Variants in DGKB observed in about 807,000 individuals in gnomAD.
DGKB encodes 90 kDa diacylglycerol kinase.
A neutral mutation model predicts 114.3 loss-of-function variants in DGKB; 67 were observed. The ratio of observed to expected loss-of-function variants is 0.59; its 90% CI spans 0.48 to 0.72. The LOEUF is 0.72. Among genes scored for constraint, DGKB ranks in the 30% least tolerant of loss-of-function variants. The pLI, the probability that DGKB is intolerant of heterozygous loss-of-function variation, is 0.00. For missense variants in DGKB, 907 were observed against 975.2 expected (o/e 0.93, Z 0.93); for synonymous variants, 398 against 323.1 (o/e 1.23, Z -2.49).
intron 20 of DGKB, among the ~76,000 whole-genome samples, chr7:14,538,854 T>C (rs1238405767): frequency 1.3e-5 from 2 of 152,130 alleles, no homozygotes; most frequent in Admixed American, 1.3e-4. Context: ...CTGGACATTA[T>C]ACTAAGTGAA....
At chr7:14,961,654 A>G (rs867189930) in intron 1 of DGKB, among the ~76,000 whole-genome samples, 2 of 152,112 alleles carry the variant, frequency 1.3e-5, no homozygotes, top group African/African-American at 4.8e-5. Flanking sequence ...AAACTATGAC[A>G]CAAATGTCGG....
chr7:14,291,541 C>T (rs1801767414), intron 23 of DGKB, among the ~76,000 whole-genome samples: 1 of 152,090 alleles, frequency 6.6e-6, no homozygotes, highest in South Asian at 2.1e-4. Flanking sequence ...GTGAATTCTC[C>T]TATCTTTATT....
At chr7:14,771,840 G>T (rs570536922) in intron 2 of DGKB, among the ~76,000 whole-genome samples, 89 of 152,024 alleles carry the variant, frequency 5.9e-4, no homozygotes, top group African/African-American at 1.9e-3. Flanking sequence ...TCAACTAAGC[G>T]CCAGGCACCC....
intron 1 of DGKB, among the ~76,000 whole-genome samples, chr7:14,857,293 G>T (rs997557469): frequency 2.5e-5 from 1 of 39,936 alleles, no homozygotes; most frequent in South Asian, 1.8e-3. Context: ...TGGCACTGAA[G>T]GAGCAAGCTT....
rs1240026568 is a variant in DGKB at position 14,521,569 on chromosome 7, T to C, written c.1771-43344A>G. Among the ~76,000 whole-genome samples, 24 of 152,198 alleles carry C rather than the reference T, an allele frequency of 1.6e-4. 1 individual carries two copies. The highest frequency in any genetic ancestry group is 1.5e-3 in the Admixed American group (23 of 15,260). On this transcript the variant is annotated intron_variant, in intron 20 of 25. Coordinates refer to ENST00000402815, the MANE Select transcript of DGKB (RefSeq NM_001350709.2). Reference sequence around the variant, plus strand: ...AGTGAATTTTTATATTTTTCCGTTATTGTACTTTTTCATTTCCATAATTCC... The same window carrying C: ...AGTGAATTTTTATATTTTTCCGTTACTGTACTTTTTCATTTCCATAATTCC...
At position 14,753,056 on chromosome 7, in the gene DGKB, T is replaced by C. The variant is rs549479801; in HGVS notation, c.168+872A>G. Reference sequence around the variant, plus strand: ...ACCAATGTCTCTTTATAGAATATTGTAAGATGTAGGATCTGTATCTAAGTC... The same window carrying C: ...ACCAATGTCTCTTTATAGAATATTGCAAGATGTAGGATCTGTATCTAAGTC... On this transcript the variant is annotated intron_variant, in intron 4 of 25. Coordinates refer to ENST00000402815, the MANE Select transcript of DGKB (RefSeq NM_001350709.2). 3.9e-5 allele frequency among the ~76,000 whole-genome samples: 6 copies of C among 152,304 alleles called. No homozygotes were observed. The South Asian group carries it at 1.0e-3, about 26-fold the overall frequency.
chr7:14,867,021 A>G (rs1405916125), intron 1 of DGKB, among the ~76,000 whole-genome samples: 1 of 152,144 alleles, frequency 6.6e-6, no homozygotes, highest in African/African-American at 2.4e-5. Flanking sequence ...TAACATCTGT[A>G]TATTTTCTTT....
At chr7:14,963,345 G>T (rs1003451614) in intron 1 of DGKB, among the ~76,000 whole-genome samples, 64 of 152,192 alleles carry the variant, frequency 4.2e-4, no homozygotes, top group African/African-American at 9.9e-4. Context: ...GGGAAGTATG[G>T]TAGCCAGGGA....
intron 21 of DGKB, among the ~76,000 whole-genome samples, chr7:14,423,780 G>C (rs1205637158): frequency 6.6e-6 from 1 of 152,040 alleles, no homozygotes; most frequent in Non-Finnish European, 1.5e-5. Context: ...CCTTGAATTT[G>C]GTATATGGCA....
intron 1 of DGKB, among the ~76,000 whole-genome samples, chr7:14,857,580 TTTTTG>T (rs1355435420): frequency 8.5e-5 from 13 of 152,180 alleles, no homozygotes; most frequent in African/African-American, 2.7e-4. Context: ...TGGCATCTTA[TTTTTG>T]TTTTATTTTC....
chr7:14,149,370 G>A (rs1464660337), intron 25 of DGKB, 132 bp from the exon 26 acceptor site: 3 of 623,390 alleles, frequency 4.8e-6, no homozygotes, highest in Non-Finnish European at 8.0e-6. Context: ...AGTGTAAAAT[G>A]TAATTTCAGA....
In DGKB at chr7:14,724,950, A is replaced by C. The variant is rs558752352; in HGVS notation, c.323-6265T>G. On this transcript the variant is annotated intron_variant, in intron 5 of 25. Transcript: ENST00000402815. ...TTTGGGAGGCCAAGGCAAAAAGATC[A>C]TTTGAGTCCAGGAGTTTGAGCCCAA... Among the ~76,000 whole-genome samples the C allele has an allele frequency of 2.6e-5, 4 of 152,316 alleles. No individual in the cohort carries two copies. In the South Asian group the frequency reaches 8.3e-4, roughly 32 times the overall value.
chr7:14,465,408 C>T (rs574850869), intron 21 of DGKB, among the ~76,000 whole-genome samples: 9 of 152,166 alleles, frequency 5.9e-5, no homozygotes, highest in African/African-American at 1.9e-4. Flanking sequence ...ATGAGGAAAG[C>T]TTGGAAGAGA....
intron 21 of DGKB, among the ~76,000 whole-genome samples, chr7:14,411,499 T>A (rs988254905): frequency 6.6e-6 from 1 of 152,202 alleles, no homozygotes; most frequent in African/African-American, 2.4e-5. Context: ...ATTTAAAGTG[T>A]ATTATTTAAC....
intron 3 of DGKB, among the ~76,000 whole-genome samples, chr7:14,754,572 T>C (rs1834592182): frequency 8.0e-6 from 1 of 124,244 alleles, no homozygotes; most frequent in African/African-American, 4.7e-5. Flanking sequence ...AAGTCCAAGA[T>C]CAAAAGAAAA....
intron 20 of DGKB, among the ~76,000 whole-genome samples, chr7:14,517,638 A>C (rs1194855904): frequency 6.6e-6 from 1 of 152,158 alleles, no homozygotes; most frequent in African/African-American, 2.4e-5. Context: ...CACCTCATTA[A>C]AAAGTGGGCA....
At chr7:14,666,401 T>G (rs1031142321) in intron 13 of DGKB, among the ~76,000 whole-genome samples, 2 of 151,586 alleles carry the variant, frequency 1.3e-5, no homozygotes, top group Non-Finnish European at 2.9e-5. Context: ...CATAGAAGAG[T>G]GAGTGGCTTG....
chr7:14,790,105 G>A (rs1840453570), intron 2 of DGKB, among the ~76,000 whole-genome samples: 1 of 152,126 alleles, frequency 6.6e-6, no homozygotes, highest in Admixed American at 6.5e-5. Context: ...GACAATATCT[G>A]TTCATGCCTT....
intron 21 of DGKB, among the ~76,000 whole-genome samples, chr7:14,430,118 T>C (rs1828237062): frequency 6.6e-6 from 1 of 152,216 alleles, no homozygotes; most frequent in Non-Finnish European, 1.5e-5. Flanking sequence ...ATAGTGTTTC[T>C]CTGTGGCCCG....
Sources: gnomAD v4.1 joint callset for allele counts (sites outside exome capture counted in the v4.1 genomes callset) on GRCh38, gnomAD v4.1.1 for gene constraint, MANE v1.5 for transcripts, NCBI Gene and HGNC (gene_info 2026-07-23, HGNC 2026-07-21) for gene names.